Variants in ASIC4 observed in about 807,000 individuals in gnomAD.
The protein encoded by ASIC4 is acid-sensing ion channel 4.
Under a neutral mutation model 53.4 loss-of-function variants are expected in ASIC4, and 28 were observed. The ratio of observed to expected loss-of-function variants is 0.52; its 90% CI spans 0.39 to 0.72. ASIC4 has a LOEUF of 0.72. Ranked by LOEUF, ASIC4 falls within the 30% of genes least tolerant of loss-of-function variation. The pLI is 0.00. For synonymous variants in ASIC4, 289 were observed against 301.4 expected (o/e 0.96, Z 0.43); for missense variants, 649 against 729.7 (o/e 0.89, Z 1.27).
chr2:219,536,916 C>A lies in ASIC4; in HGVS notation c.1230-150C>A. 1.5e-6 allele frequency: 1 copy of A among 650,816 alleles called. No homozygotes were observed. Among genetic ancestry groups the A allele is most frequent in the Non-Finnish European group, 2.7e-6 (1 of 374,870 alleles). 40.3% of individuals were successfully genotyped at this position (650,816 alleles called of 1,614,324 possible). A position where few individuals can be genotyped will look rare whatever the true frequency, so the allele number is the denominator to read the frequency against. ...TGAAGCTAACACACATCCGGGACTG[C>A]CTCCCCTCACAGCCTTGGGGAGTCC... On this transcript the variant is annotated intron_variant, in intron 6 of 9. Transcript: ENST00000358078. The surrounding 1 kb of genome is among the most constrained non-coding windows in gnomAD (Gnocchi z 4.6).
upstream of ASIC4, among the ~76,000 whole-genome samples, chr2:219,513,299 C>G (rs1168704624): frequency 1.3e-5 from 2 of 152,048 alleles, no homozygotes; most frequent in Non-Finnish European, 2.9e-5. Context: ...GGATGGGGCC[C>G]CAGAGCACAA....
chr2:219,520,728 A>T (rs72969423), intron 1 of ASIC4, among the ~76,000 whole-genome samples: 2 of 152,052 alleles, frequency 1.3e-5, no homozygotes, highest in African/African-American at 4.8e-5. Flanking sequence ...CTGAGGCATG[A>T]GCCTTAAGCA....
rs1471036426 is a variant in ASIC4, at chr2:219,521,633, G to A, written c.582+6327G>A. Among the ~76,000 whole-genome samples, 5 of 152,266 alleles carry A rather than the reference G, an allele frequency of 3.3e-5. No homozygotes were observed. In the East Asian group the frequency reaches 9.6e-4, roughly 29 times the overall value. On this transcript the variant is annotated intron_variant, in intron 1 of 9. Transcript: ENST00000358078. ...CAGTGGGTCCCATGGGCAGGCAGGA[G>A]GGAGTGAAGGGGGTGGAGCCTGAGG... is the stretch of plus-strand genomic sequence containing the variant.
At chr2:219,508,333 C>T in the ASIC4 span, among the ~76,000 whole-genome samples, 1 of 152,196 alleles carries the variant, frequency 6.6e-6, no homozygotes, top group African/African-American at 2.4e-5. Context: ...ATTATTTTCT[C>T]AGCAAAACAC....
intron 1 of ASIC4, among the ~76,000 whole-genome samples, chr2:219,520,388 G>A (rs1205070854): frequency 6.6e-6 from 1 of 152,112 alleles, no homozygotes; most frequent in Non-Finnish European, 1.5e-5. Flanking sequence ...GGCTGTCCCA[G>A]GACCCAGTTT....
At position 219,517,103 on chromosome 2, in the gene ASIC4, TG is replaced by T. The variant is rs1694806724; in HGVS notation, c.582+1800del. On this transcript the variant is annotated intron_variant, in intron 1 of 9. Coordinates refer to ENST00000358078, the MANE Select transcript of ASIC4 (RefSeq NM_018674.6). This position sits in a 1 kb window ranked among gnomAD's most constrained non-coding sequence, Gnocchi z 4.2. ...TGTGTCCCCGAGCGGGAGTTGGGGG[TG>T]GGCAGGAAAGGGGAAGGGTGATGAG... 1 of 148,428 alleles carries T rather than the reference TG, an allele frequency of 6.7e-6. No individual in the cohort carries two copies. The highest frequency in any genetic ancestry group is 2.2e-4 in the South Asian group (1 of 4,604). The allele number at this position is 148,428 out of a possible 1,614,324, so 9.2% of individuals were successfully genotyped here.
Position 219,532,065 on chromosome 2 carries a change from C to T in ASIC4, c.792C>T (p.Ile264=). 1 of 1,614,272 alleles carries T rather than the reference C, an allele frequency of 6.2e-7. No individual in the cohort carries two copies. The highest frequency in any genetic ancestry group is 8.5e-7 in the Non-Finnish European group (1 of 1,180,044). ...ACAGCCAGGAGGAGCCGCCCTACATCCACCAGCTGGGGTTCGGGGTGTCCC... is the reference window on the plus strand; with the variant it reads ...ACAGCCAGGAGGAGCCGCCCTACATTCACCAGCTGGGGTTCGGGGTGTCCC... The part of the protein sequence containing the change: ...QIHSQEEPPY[I]HQLGFGVSPG... Residue 264 remains isoleucine (I), a synonymous_variant, in exon 3 of 10, where the codon ATC becomes ATT. Transcript: ENST00000358078.
Position 219,532,083 on chromosome 2 carries a change from G to T in ASIC4, c.810G>T (p.Gly270=). 1.9e-6 allele frequency: 3 copies of T among 1,614,232 alleles called. No homozygotes were observed. Among genetic ancestry groups the T allele is most frequent in the Non-Finnish European group, 2.5e-6 (3 of 1,180,036 alleles). Reference sequence around the variant, plus strand: ...CCTACATCCACCAGCTGGGGTTCGGGGTGTCCCCAGGCTTCCAGACCTTTG... The same window carrying T: ...CCTACATCCACCAGCTGGGGTTCGGTGTGTCCCCAGGCTTCCAGACCTTTG... ...EPPYIHQLGF[G]VSPGFQTFVS... is the part of the protein sequence containing the mutation. Residue 270 remains glycine (G), a synonymous_variant, in exon 3 of 10, where the codon GGG becomes GGT. Coordinates refer to ENST00000358078, the MANE Select transcript of ASIC4 (RefSeq NM_018674.6).
In ASIC4 at chr2:219,537,789, G is replaced by T. The variant is rs141142372; in HGVS notation, c.1506+53G>T. ...CATGCAGCCACACCTCCCCAGGACT[G>T]AATACATCCATTGTTTCTGAACCAG... is the stretch of plus-strand genomic sequence containing the variant. On this transcript the variant is annotated intron_variant, in intron 9 of 9. Transcript: ENST00000358078. The surrounding 1 kb of genome is among the most constrained non-coding windows in gnomAD (Gnocchi z 4.9). 1.5e-5 allele frequency: 24 copies of T among 1,557,058 alleles called. No homozygotes were observed. In the East Asian group the frequency reaches 5.1e-4, roughly 33 times the overall value.
At chr2:219,510,245 A>AT (rs1235277098), upstream of ASIC4, among the ~76,000 whole-genome samples, 3 of 150,728 alleles carry the variant, frequency 2.0e-5, no homozygotes, top group African/African-American at 7.3e-5. This position sits in a 1 kb window ranked among gnomAD's most constrained non-coding sequence, Gnocchi z 5.2. Context: ...CGGAGCTCTA[A>AT]TCCCTCCTGC....
At chr2:219,532,586 T>A in intron 4 of ASIC4, 109 bp downstream of exon 4, 1 of 1,377,352 alleles carries the variant, frequency 7.3e-7, no homozygotes, top group Non-Finnish European at 9.8e-7. Context: ...ATACAACATG[T>A]GTATGTGTCT....
At chr2:219,532,613 G>A in intron 4 of ASIC4, 136 bp downstream of exon 4, 2 of 1,253,034 alleles carry the variant, frequency 1.6e-6, no homozygotes, top group East Asian at 5.1e-5. Flanking sequence ...GTGTGAGTGT[G>A]AGTGTTTGGG....
At chr2:219,508,311 T>C in the ASIC4 span, among the ~76,000 whole-genome samples, 20 of 152,088 alleles carry the variant, frequency 1.3e-4, 1 homozygote, top group Admixed American at 7.9e-4. Flanking sequence ...CCATCATAAA[T>C]ATGATAATTT....
rs777402491 is a variant in ASIC4 at position 219,514,978 on chromosome 2, C to T, written c.254C>T (p.Ala85Val). 80 of 1,613,184 alleles carry T rather than the reference C, an allele frequency of 5.0e-5. No homozygotes were observed. The Middle Eastern group carries it at 6.6e-4, about 13-fold the overall frequency. ...LTSLAAFLYQ[A>V]AGLARGYLTR... The stretch of plus-strand genomic sequence containing the variant: ...TCGCTGGCTGCCTTCCTGTACCAGG[C>T]GGCTGGCCTGGCCCGGGGCTACCTG... The change falls in exon 1 of 10, where the codon GCG (alanine) becomes GTG (valine). Residue 85 changes from alanine (A) to valine (V), a missense_variant. By Grantham distance (64) the Ala-to-Val change is moderately conservative. Coordinates refer to ENST00000358078, the MANE Select transcript of ASIC4 (RefSeq NM_018674.6).
At chr2:219,510,569 C>T (rs138528101), upstream of ASIC4, among the ~76,000 whole-genome samples, 3 of 152,300 alleles carry the variant, frequency 2.0e-5, no homozygotes, top group Middle Eastern at 6.8e-3. The surrounding 1 kb of genome is among the most constrained non-coding windows in gnomAD (Gnocchi z 5.2). Flanking sequence ...TCCTGCCCTC[C>T]CTTTCCTGGT....
At chr2:219,534,764 GCCATCCATCCATCCATCCAT>G (rs56026817) in intron 5 of ASIC4, among the ~76,000 whole-genome samples, 70,690 of 150,968 alleles carry the variant, frequency 0.47, 17,383 homozygotes, top group South Asian at 0.72. Context: ...CTGGCCATCT[GCCATCCATCCATCCATCCAT>G]CCATCCATCC....
At chr2:219,515,452 C>G in intron 1 of ASIC4, 146 bp downstream of exon 1, 1 of 1,174,268 alleles carries the variant, frequency 8.5e-7, no homozygotes, top group East Asian at 2.6e-5. Flanking sequence ...TTCCCCAAGC[C>G]TGGCGTCTCC....
chr2:219,522,430 C>A (rs1345941492), intron 1 of ASIC4, among the ~76,000 whole-genome samples: 3 of 150,530 alleles, frequency 2.0e-5, no homozygotes, highest in Non-Finnish European at 4.5e-5. Context: ...GGGCTGGGAA[C>A]CCCTGGGCGA....
chr2:219,535,051 A>T, intron 5 of ASIC4, 120 bp from the exon 6 acceptor site: 11 of 1,415,920 alleles, frequency 7.8e-6, no homozygotes, highest in Non-Finnish European at 1.0e-5. Flanking sequence ...CTGGCCAGTA[A>T]AGGCCCTCAG....
Sources: gnomAD v4.1 joint callset for allele counts (sites outside exome capture counted in the v4.1 genomes callset) on GRCh38, gnomAD v4.1.1 for gene constraint, Gnocchi (gnomAD v3.1) non-coding constraint, MANE v1.5 for transcripts, NCBI Gene and HGNC (gene_info 2026-07-23, HGNC 2026-07-21) for gene names.